The following YEATS4 variants were observed in gnomAD, a reference collection of about 807,000 sequenced individuals.
The protein encoded by YEATS4 is YEATS domain containing 4.
In YEATS4, 17 loss-of-function variants were observed where a neutral mutation model predicts 30.1. The observed-to-expected ratio is 0.56, with a 90% CI of 0.39 to 0.85. The LOEUF (loss-of-function observed/expected upper bound fraction) is 0.85. YEATS4 is among the 40% of genes least tolerant of loss of function. The pLI is 0.00. For synonymous variants in YEATS4, 85 were observed against 87.5 expected (o/e 0.97, Z 0.16); for missense variants, 142 against 268.3 (o/e 0.53, Z 3.29).
At chr12:69,409,312 T>C in the YEATS4 span, among the ~76,000 whole-genome samples, 1 of 152,208 alleles carries the variant, frequency 6.6e-6, no homozygotes, top group Non-Finnish European at 1.5e-5. Context: ...ACCTAGTTAA[T>C]GCTCAATTAA....
intron 2 of YEATS4, among the ~76,000 whole-genome samples, chr12:69,364,991 G>A (rs975388261): frequency 6.6e-6 from 1 of 152,042 alleles, no homozygotes; most frequent in African/African-American, 2.4e-5. Context: ...TACCAGATAT[G>A]TACTGTTGTT....
the YEATS4 span, among the ~76,000 whole-genome samples, chr12:69,418,257 C>T: frequency 3.3e-5 from 5 of 152,000 alleles, no homozygotes; most frequent in Admixed American, 1.3e-4. Context: ...CAGCCTGGCC[C>T]ATAAAGTAAT....
chr12:69,371,011 G>A (rs749453031), intron 6 of YEATS4, 36 bp downstream of exon 6: 26 of 1,578,806 alleles, frequency 1.6e-5, no homozygotes, highest in African/African-American at 2.7e-5. Flanking sequence ...GAAAAATAAC[G>A]TATTCTGTAA....
chr12:69,414,340 CTA>C, the YEATS4 span, among the ~76,000 whole-genome samples: 4 of 78,524 alleles, frequency 5.1e-5, no homozygotes, highest in Admixed American at 5.9e-4. Flanking sequence ...AGTGATCCTA[CTA>C]CCTCAGCCTC....
Position 69,370,780 on chromosome 12 carries a change from A to C in YEATS4, c.408A>C (p.Ser136=). 6.3e-7 allele frequency: 1 copy of C among 1,598,340 alleles called. No individual in the cohort carries two copies. The highest frequency in any genetic ancestry group is 1.1e-5 in the South Asian group (1 of 87,454). Residue 136 remains serine, a synonymous_variant, in exon 5 of 7, where the codon TCA becomes TCC. Transcript: ENST00000247843. ...TGCTGGGGAAAAAGACAGTGGTTTCAGAGTTCTATGATGAAATGGTAAGAA... is the reference window on the plus strand; with the variant it reads ...TGCTGGGGAAAAAGACAGTGGTTTCCGAGTTCTATGATGAAATGGTAAGAA... ...NAMLGKKTVV[S]EFYDEMIFQD...
intron 6 of YEATS4, among the ~76,000 whole-genome samples, chr12:69,374,774 A>G (rs1235828154): frequency 1.3e-5 from 2 of 151,992 alleles, no homozygotes; most frequent in Non-Finnish European, 2.9e-5. Flanking sequence ...TCCTATGTCT[A>G]CTTCTTTCTA....
chr12:69,407,619 T>C, the YEATS4 span, among the ~76,000 whole-genome samples: 2 of 150,300 alleles, frequency 1.3e-5, no homozygotes, highest in African/African-American at 2.4e-5. Flanking sequence ...TTGTGAACCA[T>C]AGCACTGAGA....
the YEATS4 span, among the ~76,000 whole-genome samples, chr12:69,398,659 A>G: frequency 6.6e-6 from 1 of 151,782 alleles, no homozygotes; most frequent in East Asian, 1.9e-4. Context: ...CTAAAAAAAT[A>G]TAAAAATTAA....
At chr12:69,380,676 G>A (rs929209903) in intron 6 of YEATS4, among the ~76,000 whole-genome samples, 1 of 151,864 alleles carries the variant, frequency 6.6e-6, no homozygotes, top group African/African-American at 2.4e-5. Flanking sequence ...CAGTATCAGG[G>A]GAAATTCAGC....
chr12:69,370,150 C>T (rs994901800), intron 4 of YEATS4, among the ~76,000 whole-genome samples: 1 of 152,132 alleles, frequency 6.6e-6, no homozygotes. Context: ...TGCTACAAAG[C>T]TTTTCCTTTG....
the YEATS4 span, among the ~76,000 whole-genome samples, chr12:69,422,419 T>C: frequency 6.6e-6 from 1 of 150,748 alleles, no homozygotes; most frequent in Non-Finnish European, 1.5e-5. Context: ...ATCACTTGAG[T>C]CCATAAGTTC....
intron 6 of YEATS4, among the ~76,000 whole-genome samples, chr12:69,379,043 C>CT (rs1875972101): frequency 6.6e-6 from 1 of 152,114 alleles, no homozygotes; most frequent in South Asian, 2.1e-4. Context: ...GGACAAAAGG[C>CT]TTTTTTTCCT....
At chr12:69,397,374 A>G in the YEATS4 span, among the ~76,000 whole-genome samples, 1 of 152,106 alleles carries the variant, frequency 6.6e-6, no homozygotes, top group Non-Finnish European at 1.5e-5. Context: ...CTGTGTCCCC[A>G]CCCAAATCTC....
chr12:69,408,431 T>C, the YEATS4 span, among the ~76,000 whole-genome samples: 1 of 152,234 alleles, frequency 6.6e-6, no homozygotes, highest in Non-Finnish European at 1.5e-5. Flanking sequence ...GTGTTAACAC[T>C]TGTAAATTTG....
chr12:69,375,816 CA>C lies in YEATS4; in HGVS notation c.514+4842del, dbSNP rs1875849660. ...ACTCGGCAGGCTGAGGCAGGAGAAT[CA>C]GGCAGGGAGGTTGCAGTGAGCCGAG... On this transcript the variant is annotated intron_variant, in intron 6 of 6. Transcript: ENST00000247843. Among the ~76,000 whole-genome samples the C allele has an allele frequency of 2.6e-5, 4 of 151,802 alleles. No homozygotes were observed. The South Asian group carries it at 8.3e-4, about 31-fold the overall frequency.
chr12:69,390,333 C>A lies in YEATS4; in HGVS notation c.*17C>A, dbSNP rs370803225. ...GACATATAAACAGTTCTCATGAGAA[C>A]TTGGTAGTAAGCTAAACTGAAAATA... is the stretch of plus-strand genomic sequence containing the variant. On this transcript the variant is annotated 3_prime_UTR_variant, in exon 7 of 7. Transcript: ENST00000247843. The A allele has an allele frequency of 5.2e-6, 8 of 1,543,114 alleles. No individual in the cohort carries two copies. The highest frequency in any genetic ancestry group is 6.9e-6 in the Non-Finnish European group (8 of 1,153,336).
At chr12:69,385,180 ATT>A (rs35689180) in intron 6 of YEATS4, among the ~76,000 whole-genome samples, 64 of 146,250 alleles carry the variant, frequency 4.4e-4, no homozygotes, top group Non-Finnish European at 5.4e-4. Flanking sequence ...TGTCTGGCTA[ATT>A]TTTTTTTTTT....
chr12:69,409,196 C>T, the YEATS4 span, among the ~76,000 whole-genome samples: 1 of 152,142 alleles, frequency 6.6e-6, no homozygotes, highest in Non-Finnish European at 1.5e-5. Context: ...CCTCTCTGTG[C>T]CTTACTTTCC....
Position 69,365,982 on chromosome 12 carries a change from A to G in YEATS4, c.333+98A>G, listed in dbSNP as rs1167624234. ...AATAGTGTTCATTCAGATGTGTTTT[A>G]TGTAAATTTATGGCACAGTGTATCT... is the stretch of plus-strand genomic sequence containing the variant. On this transcript the variant is annotated intron_variant, in intron 4 of 6. Coordinates refer to ENST00000247843, the MANE Select transcript of YEATS4 (RefSeq NM_006530.4). The G allele has an allele frequency of 2.8e-5, 25 of 888,896 alleles. No homozygotes were observed. The South Asian group carries it at 5.2e-4, about 19-fold the overall frequency. 55.1% of individuals were successfully genotyped at this position (888,896 alleles called of 1,614,324 possible). A position where few individuals can be genotyped will look rare whatever the true frequency, so the allele number is the denominator to read the frequency against.
Sources: allele counts gnomAD v4.1 joint callset (sites outside exome capture counted in the v4.1 genomes callset), GRCh38; gene constraint gnomAD v4.1.1; transcripts MANE v1.5; gene names NCBI Gene and HGNC (gene_info 2026-07-23, HGNC 2026-07-21).